The following EXT1 variants were observed in gnomAD, a reference collection of about 807,000 sequenced individuals.
EXT1 encodes the protein exostosin-1.
A neutral mutation model predicts 82.5 loss-of-function variants in EXT1; 20 were observed. The observed-to-expected ratio is 0.24, with a 90% CI of 0.17 to 0.35. The LOEUF is 0.35. Among genes scored for constraint, EXT1 ranks in the 10% least tolerant of loss-of-function variants. The pLI, the probability that EXT1 is intolerant of heterozygous loss-of-function variation, is 1.00. For synonymous variants in EXT1, 348 were observed against 350.8 expected (o/e 0.99, Z 0.09); for missense variants, 757 against 936.5 (o/e 0.81, Z 2.50).
chr8:117,944,409 A>AAAG (rs1285127676), intron 1 of EXT1, among the ~76,000 whole-genome samples: 19 of 152,144 alleles, frequency 1.2e-4, no homozygotes, highest in African/African-American at 4.6e-4. Context: ...CAAATAAAAA[A>AAAG]GTGAAATCGG....
chr8:117,906,134 G>A (rs1563597148), intron 1 of EXT1, among the ~76,000 whole-genome samples: 1 of 152,292 alleles, frequency 6.6e-6, no homozygotes, highest in East Asian at 1.9e-4. Context: ...ATTTCTTACA[G>A]CAGTTGTTTG....
intron 4 of EXT1, among the ~76,000 whole-genome samples, chr8:117,826,260 G>A (rs1311698947): frequency 6.6e-6 from 1 of 152,152 alleles, no homozygotes; most frequent in Non-Finnish European, 1.5e-5. Context: ...GAGATGTCCT[G>A]TTTTCAACTG....
At chr8:118,037,839 T>TTTG (rs1334659788) in intron 1 of EXT1, among the ~76,000 whole-genome samples, 34 of 145,918 alleles carry the variant, frequency 2.3e-4, no homozygotes, top group African/African-American at 8.5e-4. Context: ...GTTTTTTGTT[T>TTTG]TTTTTTTTTT....
intron 1 of EXT1, among the ~76,000 whole-genome samples, chr8:117,927,092 T>C (rs1813966740): frequency 6.6e-6 from 1 of 152,188 alleles, no homozygotes; most frequent in Admixed American, 6.5e-5. Flanking sequence ...AAGAAAACCA[T>C]TTATTTAAAA....
chr8:118,063,192 TG>T (rs1470394893), intron 1 of EXT1, among the ~76,000 whole-genome samples: 1 of 150,868 alleles, frequency 6.6e-6, no homozygotes, highest in Non-Finnish European at 1.5e-5. Context: ...ATTAAGCAAC[TG>T]GCAGTTATAG....
chr8:118,009,415 G>C (rs1161901920), intron 1 of EXT1, among the ~76,000 whole-genome samples: 2 of 152,190 alleles, frequency 1.3e-5, no homozygotes, highest in Admixed American at 6.5e-5. Flanking sequence ...ATCCACAGAG[G>C]GAAAGTTGAG....
intron 1 of EXT1, among the ~76,000 whole-genome samples, chr8:117,920,264 C>T (rs1813829743): frequency 6.6e-6 from 1 of 151,986 alleles, no homozygotes; most frequent in Admixed American, 6.6e-5. Flanking sequence ...GGCACCACAC[C>T]AGCTGATTTT....
chr8:117,825,162 G>C (rs368951760), intron 4 of EXT1, among the ~76,000 whole-genome samples: 1 of 152,050 alleles, frequency 6.6e-6, no homozygotes, highest in South Asian at 2.1e-4. Context: ...GTGAGCCACC[G>C]CTCCAGACCA....
intron 1 of EXT1, among the ~76,000 whole-genome samples, chr8:118,056,073 A>AG (rs1390034890): frequency 4.1e-4 from 52 of 126,310 alleles, no homozygotes; most frequent in African/African-American, 1.4e-3. Context: ...CTGATGAGCT[A>AG]GGAAAAAAAA....
chr8:118,012,311 G>A (rs983537341), intron 1 of EXT1, among the ~76,000 whole-genome samples: 1 of 152,194 alleles, frequency 6.6e-6, no homozygotes, highest in Non-Finnish European at 1.5e-5. Flanking sequence ...TTTCTTCCAC[G>A]GGGCTAAGGC....
chr8:118,020,243 C>T (rs1447063210), intron 1 of EXT1, among the ~76,000 whole-genome samples: 2 of 152,156 alleles, frequency 1.3e-5, no homozygotes, highest in Non-Finnish European at 2.9e-5. Flanking sequence ...CCTACAGACA[C>T]ATAAAATGTA....
chr8:117,970,797 G>C (rs1814924310), intron 1 of EXT1, among the ~76,000 whole-genome samples: 2 of 152,310 alleles, frequency 1.3e-5, no homozygotes, highest in African/African-American at 2.4e-5. Flanking sequence ...CACTAGAGGA[G>C]AGCACATGTG....
chr8:117,966,023 C>T (rs137990059), intron 1 of EXT1, among the ~76,000 whole-genome samples: 52 of 151,724 alleles, frequency 3.4e-4, no homozygotes, highest in East Asian at 1.2e-3. Context: ...TATATACACA[C>T]GCACATATAC....
At chr8:118,096,639 GA>G (rs1405142162) in intron 1 of EXT1, among the ~76,000 whole-genome samples, 10 of 22,040 alleles carry the variant, frequency 4.5e-4, no homozygotes, top group South Asian at 1.7e-3. Flanking sequence ...AGGAAGGAAG[GA>G]AGGAAGGAAG....
chr8:118,047,849 G>T (rs1816646932), intron 1 of EXT1, among the ~76,000 whole-genome samples: 3 of 152,106 alleles, frequency 2.0e-5, no homozygotes, highest in Admixed American at 2.0e-4. Flanking sequence ...GCAGAGTCTA[G>T]TCCATGGAGG....
At chr8:118,004,261 T>A (rs1563626597) in intron 1 of EXT1, among the ~76,000 whole-genome samples, 1 of 152,264 alleles carries the variant, frequency 6.6e-6, no homozygotes, top group African/African-American at 2.4e-5. Flanking sequence ...TGCATCCATG[T>A]TCATATGCAT....
intron 2 of EXT1, 52 bp from the exon 3 acceptor site, chr8:117,835,603 G>T: frequency 1.5e-6 from 2 of 1,338,762 alleles, no homozygotes; most frequent in Non-Finnish European, 2.2e-6. Context: ...AGCAGAAGCT[G>T]TTCCAATCAG....
intron 1 of EXT1, among the ~76,000 whole-genome samples, chr8:117,890,850 T>G (rs539640781): frequency 6.6e-6 from 1 of 152,340 alleles, no homozygotes; most frequent in Admixed American, 6.5e-5. Context: ...TTCGTTTCAG[T>G]GCAGCCGCTA....
intron 1 of EXT1, among the ~76,000 whole-genome samples, chr8:117,858,782 CAGGCAGGCAAGGCA>C (rs1812618562): frequency 9.2e-6 from 1 of 108,958 alleles, no homozygotes; most frequent in Non-Finnish European, 1.7e-5. Flanking sequence ...GGCAGGCAGG[CAGGCAGGCAAGGCA>C]AGGCAAGGCA....
Sources: allele counts gnomAD v4.1 joint callset (sites outside exome capture counted in the v4.1 genomes callset), GRCh38; gene constraint gnomAD v4.1.1; transcripts MANE v1.5; gene names NCBI Gene and HGNC (gene_info 2026-07-23, HGNC 2026-07-21).